Variants in RDX observed in about 807,000 individuals in gnomAD.
The protein encoded by RDX is deafness, autosomal recessive 24.
A neutral mutation model predicts 83.7 loss-of-function variants in RDX; 32 were observed. That is an observed-to-expected ratio of 0.38 (90% CI 0.29 to 0.51). The LOEUF is 0.51. Among genes scored for constraint, RDX ranks in the 20% least tolerant of loss-of-function variants. The probability of loss-of-function intolerance (pLI) is 0.87; values close to 1 mark genes in which losing one functional copy is unlikely to be tolerated. For missense variants in RDX, 600 were observed against 689.9 expected (o/e 0.87, Z 1.46); for synonymous variants, 229 against 222.7 (o/e 1.03, Z -0.25).
intron 12 of RDX, among the ~76,000 whole-genome samples, chr11:110,234,926 A>C (rs1412428823): frequency 6.6e-6 from 1 of 152,198 alleles, no homozygotes; most frequent in Non-Finnish European, 1.5e-5. Context: ...TTATCTTTTC[A>C]GTTAAGAGTT....
chr11:110,260,365 T>C (rs959661251), intron 5 of RDX, among the ~76,000 whole-genome samples: 2 of 152,220 alleles, frequency 1.3e-5, no homozygotes, highest in African/African-American at 4.8e-5. Context: ...GACCTCTTGG[T>C]ACCATTTGGC....
intron 14 of RDX, among the ~76,000 whole-genome samples, chr11:110,208,894 T>G (rs1403421821): frequency 1.3e-5 from 2 of 152,138 alleles, no homozygotes; most frequent in Non-Finnish European, 2.9e-5. Flanking sequence ...AGGCAGAGGT[T>G]GCATTGAGCA....
At chr11:110,282,997 TA>T (rs963457437) in intron 1 of RDX, among the ~76,000 whole-genome samples, 1 of 149,488 alleles carries the variant, frequency 6.7e-6, no homozygotes, top group Admixed American at 6.7e-5. Flanking sequence ...AATAAAACAT[TA>T]AAAAAAAATC....
intron 9 of RDX, among the ~76,000 whole-genome samples, chr11:110,248,126 G>A (rs550535472): frequency 1.3e-5 from 2 of 152,170 alleles, no homozygotes; most frequent in South Asian, 4.2e-4. Flanking sequence ...CACATATTGG[G>A]TATAGTGTAC....
chr11:110,202,227 T>G (rs1300897974), intron 14 of RDX, among the ~76,000 whole-genome samples: 2 of 151,752 alleles, frequency 1.3e-5, no homozygotes, highest in African/African-American at 4.8e-5. Context: ...AAACGCCATC[T>G]CTACTAAAAA....
At chr11:110,286,363 G>T (rs1219232695) in intron 1 of RDX, among the ~76,000 whole-genome samples, 2 of 152,140 alleles carry the variant, frequency 1.3e-5, no homozygotes, top group Non-Finnish European at 2.9e-5. Context: ...ACACATTAGA[G>T]ACAACATAGA....
chr11:110,198,169 A>T (rs1468508667), intron 15 of RDX, among the ~76,000 whole-genome samples: 5 of 152,074 alleles, frequency 3.3e-5, no homozygotes, highest in Non-Finnish European at 7.4e-5. Context: ...AGCTAGAAGG[A>T]GGTTTAGAGA....
chr11:110,261,161 A>C (rs112042705), intron 5 of RDX, among the ~76,000 whole-genome samples: 3 of 152,350 alleles, frequency 2.0e-5, no homozygotes, highest in African/African-American at 7.2e-5. Flanking sequence ...TATGCAAATA[A>C]ATACCAGATA....
Position 110,194,911 on chromosome 11 carries a change from T to C in RDX, c.*31+4670A>G, listed in dbSNP as rs570922430. 4.1e-4 allele frequency among the ~76,000 whole-genome samples: 63 copies of C among 152,326 alleles called. No individual in the cohort carries two copies. The South Asian group carries it at 0.012, about 30-fold the overall frequency. On this transcript the variant is annotated intron_variant, in intron 15 of 15. Transcript: ENST00000528498. Reference sequence around the variant, plus strand: ...AAGGGGTAACTTCGTGCCCAGCAGATACCTGTCAAATAATCACAGCACAAC... The same window carrying C: ...AAGGGGTAACTTCGTGCCCAGCAGACACCTGTCAAATAATCACAGCACAAC...
At chr11:110,195,488 G>A (rs1294327449) in intron 15 of RDX, 1 of 152,238 alleles carries the variant, frequency 6.6e-6, no homozygotes, top group Admixed American at 6.5e-5. Flanking sequence ...ATGGGAACCT[G>A]AGATGGGGCA....
Position 110,286,734 on chromosome 11 carries a change from C to A in RDX, c.-64-6978G>T, listed in dbSNP as rs190552630. Reference sequence around the variant, plus strand: ...AAAATATTCCAAGAGAACTCATCTGCCAATTTACTGGGAGAAAGCTGCACA... The same window carrying A: ...AAAATATTCCAAGAGAACTCATCTGACAATTTACTGGGAGAAAGCTGCACA... On this transcript the variant is annotated intron_variant, in intron 1 of 13. Coordinates refer to ENST00000645495, the MANE Select transcript of RDX (RefSeq NM_002906.4). 3.3e-5 allele frequency among the ~76,000 whole-genome samples: 5 copies of A among 152,260 alleles called. No individual in the cohort carries two copies. The East Asian group carries it at 5.8e-4, about 18-fold the overall frequency.
intron 6 of RDX, 25 bp from the exon 7 acceptor site, chr11:110,257,938 T>A: frequency 6.2e-7 from 1 of 1,604,096 alleles, no homozygotes; most frequent in South Asian, 1.1e-5. Flanking sequence ...CTAAATGTAA[T>A]ATATTTAAGT....
At chr11:110,199,570 G>A (rs1362958608) in intron 15 of RDX, 1 of 702,968 alleles carries the variant, frequency 1.4e-6, no homozygotes, top group East Asian at 2.7e-5. Flanking sequence ...ACGGCTGCCA[G>A]TTGTACTTAC....
intron 7 of RDX, 136 bp downstream of exon 7, chr11:110,257,631 G>A (rs1859597169): frequency 1.1e-6 from 1 of 876,208 alleles, no homozygotes. Context: ...AAGTCTATGT[G>A]TCATTAATTC....
In RDX at chr11:110,210,612, G is replaced by T. The variant is rs1310196579; in HGVS notation, c.1749-10934C>A. On this transcript the variant is annotated intron_variant, in intron 14 of 15. Coordinates refer to the RDX transcript ENST00000528498. ...GAGAAAGGTCGGGTTACCCTCAAAG[G>T]GAAGCCCATCAGACTAACAGCGGAT... Among the ~76,000 whole-genome samples, 5 of 150,776 alleles carry T rather than the reference G, an allele frequency of 3.3e-5. No individual in the cohort carries two copies. In the East Asian group the frequency reaches 9.8e-4, roughly 30 times the overall value.
At chr11:110,232,070 T>C (rs1381869359) in intron 13 of RDX, 37 bp from the exon 14 acceptor site, 1 of 1,532,214 alleles carries the variant, frequency 6.5e-7, no homozygotes, top group Non-Finnish European at 9.0e-7. Flanking sequence ...ATTATTTTTT[T>C]CTTAGATTTA....
chr11:110,231,877 C>T lies in RDX; in HGVS notation c.1744G>A (p.Ala582Thr). ...ATGCAAAATAACAGCTCTCACATTG[C>T]TTCAAACTCATCGATACGCTGCTTT... ...NTKQRIDEFE[A>T]M Residue 582 changes from alanine to threonine, a missense_variant, in exon 14 of 14, where the codon GCA (alanine) becomes ACA (threonine). Ala to Thr is a moderately conservative substitution (Grantham distance 58, BLOSUM62 0). Coordinates refer to ENST00000645495, the MANE Select transcript of RDX (RefSeq NM_002906.4). 1.2e-6 allele frequency: 2 copies of T among 1,612,584 alleles called. No homozygotes were observed. The highest frequency in any genetic ancestry group is 1.7e-6 in the Non-Finnish European group (2 of 1,179,978).
rs539815721 is a variant in RDX, at chr11:110,176,263, C to T, written c.*32-1029G>A. Among the ~76,000 whole-genome samples the T allele has an allele frequency of 1.1e-4, 16 of 152,048 alleles. No homozygotes were observed. In the South Asian group the frequency reaches 2.9e-3, roughly 28 times the overall value. Reference sequence around the variant, plus strand: ...ATTTTTAGTAGAGACGGGGTTTCACCATGTTGGCCAGGCTAGTCTCAAACT... The same window carrying T: ...ATTTTTAGTAGAGACGGGGTTTCACTATGTTGGCCAGGCTAGTCTCAAACT... On this transcript the variant is annotated intron_variant, in intron 15 of 15. Coordinates refer to the RDX transcript ENST00000528498.
In RDX at chr11:110,217,223, CAT is replaced by C. The variant is rs1345132924; in HGVS notation, c.1748+14648_1748+14649del. Among the ~76,000 whole-genome samples, 7 of 152,314 alleles carry C rather than the reference CAT, an allele frequency of 4.6e-5. No homozygotes were observed. The South Asian group carries it at 1.2e-3, about 27-fold the overall frequency. On this transcript the variant is annotated intron_variant, in intron 14 of 15. Transcript: ENST00000528498. The stretch of plus-strand genomic sequence containing the variant: ...TTTCTTCTAACTCAGTCCCTTATTT[CAT>C]AGTTGTAAGTGGATATAAAATTGCT...
Sources: gnomAD v4.1 joint callset for allele counts (sites outside exome capture counted in the v4.1 genomes callset) on GRCh38, gnomAD v4.1.1 for gene constraint, MANE v1.5 for transcripts, NCBI Gene and HGNC (gene_info 2026-07-23, HGNC 2026-07-21) for gene names.